The following BMPR1A variants were observed in gnomAD, a reference collection of about 807,000 sequenced individuals.
BMPR1A encodes bone morphogenetic protein receptor type 1A.
BMPR1A carries 7 observed loss-of-function variants against 66.0 expected under a neutral mutation model. The observed-to-expected ratio is 0.11, with a 90% CI of 0.06 to 0.20. The LOEUF is 0.20. Among genes scored for constraint, BMPR1A ranks in the 10% least tolerant of loss-of-function variants. The probability of loss-of-function intolerance (pLI) is 1.00; values close to 1 mark genes in which losing one functional copy is unlikely to be tolerated. For synonymous variants in BMPR1A, 200 were observed against 229.7 expected (o/e 0.87, Z 1.17); for missense variants, 408 against 669.1 (o/e 0.61, Z 4.31).
rs1373555068 is a variant in BMPR1A at position 86,786,563 on chromosome 10, C to T, written c.-268+29644C>T. Reference sequence around the variant, plus strand: ...CAGGATAGCATACAAAGAAATTCCCCATCTCAGTCTTTTGTCACAGAGTCC... The same window carrying T: ...CAGGATAGCATACAAAGAAATTCCCTATCTCAGTCTTTTGTCACAGAGTCC... On this transcript the variant is annotated intron_variant, in intron 1 of 12. Transcript: ENST00000372037. Among the ~76,000 whole-genome samples the T allele has an allele frequency of 2.6e-5, 4 of 152,322 alleles. No individual in the cohort carries two copies. The East Asian group carries it at 7.7e-4, about 29-fold the overall frequency.
At chr10:86,775,160 A>G (rs138438434) in intron 1 of BMPR1A, among the ~76,000 whole-genome samples, 373 of 152,354 alleles carry the variant, frequency 2.4e-3, no homozygotes, top group Admixed American at 4.7e-3. Flanking sequence ...AAAGCCAAGA[A>G]AATCGATTGA....
Position 86,900,022 on chromosome 10 carries a change from G to A in BMPR1A, c.431-5G>A, listed in dbSNP as rs587782334. The A allele has an allele frequency of 8.7e-6, 14 of 1,613,894 alleles. No homozygotes were observed. Among genetic ancestry groups the A allele is most frequent in the Non-Finnish European group, 1.1e-5 (13 of 1,179,992 alleles). Reference sequence around the variant, plus strand: ...ATTGTTTACATTGTTTACTTTTATTGTCAGGTCCGTTTTTTGATGGCAGCA... The same window carrying A: ...ATTGTTTACATTGTTTACTTTTATTATCAGGTCCGTTTTTTGATGGCAGCA... On this transcript the variant is annotated splice_polypyrimidine_tract_variant and splice_region_variant and intron_variant, in intron 6 of 12. Transcript: ENST00000372037.
chr10:86,838,138 T>C (rs1167735138), intron 1 of BMPR1A, among the ~76,000 whole-genome samples: 1 of 152,178 alleles, frequency 6.6e-6, no homozygotes, highest in Non-Finnish European at 1.5e-5. Context: ...TAGAAATTTT[T>C]TTATGACTTG....
At chr10:86,791,714 T>TCCC (rs1589718166) in intron 1 of BMPR1A, among the ~76,000 whole-genome samples, 2 of 52,752 alleles carry the variant, frequency 3.8e-5, no homozygotes, top group South Asian at 9.3e-4. Context: ...CCTCCCTCCC[T>TCCC]TCCTTCCTTC....
intron 2 of BMPR1A, among the ~76,000 whole-genome samples, chr10:86,843,186 C>T (rs1235161589): frequency 6.6e-6 from 1 of 152,174 alleles, no homozygotes; most frequent in Non-Finnish European, 1.5e-5. Context: ...ATGTACTATA[C>T]TCTTCAGCTG....
chr10:86,785,551 C>T (rs1841502630), intron 1 of BMPR1A, among the ~76,000 whole-genome samples: 1 of 152,228 alleles, frequency 6.6e-6, no homozygotes, highest in Non-Finnish European at 1.5e-5. Context: ...GTGATCTGCC[C>T]ACTTGGCCTC....
intron 1 of BMPR1A, among the ~76,000 whole-genome samples, chr10:86,797,446 G>C (rs1422478010): frequency 1.3e-5 from 2 of 151,970 alleles, no homozygotes; most frequent in Non-Finnish European, 2.9e-5. Context: ...TGGTTGGGCT[G>C]GTCTTGGAAC....
chr10:86,853,826 G>T (rs948612043), intron 2 of BMPR1A, among the ~76,000 whole-genome samples: 1 of 152,192 alleles, frequency 6.6e-6, no homozygotes, highest in Non-Finnish European at 1.5e-5. Context: ...CAAGGCAAAT[G>T]GAGGCAGGGC....
intron 1 of BMPR1A, among the ~76,000 whole-genome samples, chr10:86,809,613 C>CTCT (rs1841941339): frequency 2.8e-5 from 3 of 106,686 alleles, no homozygotes; most frequent in Non-Finnish European, 5.8e-5. Context: ...TTTTTTTTTT[C>CTCT]TCTTTTTTCT....
At chr10:86,837,090 G>A (rs182292618) in intron 1 of BMPR1A, among the ~76,000 whole-genome samples, 2 of 152,304 alleles carry the variant, frequency 1.3e-5, no homozygotes, top group Admixed American at 1.3e-4. Flanking sequence ...TTAAACTTTA[G>A]ATTTAGCCTG....
chr10:86,906,102 G>C (rs1448973800), intron 7 of BMPR1A, among the ~76,000 whole-genome samples: 1 of 152,086 alleles, frequency 6.6e-6, no homozygotes, highest in African/African-American at 2.4e-5. Flanking sequence ...GCAGTCTTTT[G>C]ACTTCATTTT....
intron 2 of BMPR1A, among the ~76,000 whole-genome samples, chr10:86,856,763 C>A (rs1055547537): frequency 6.6e-6 from 1 of 152,138 alleles, no homozygotes; most frequent in African/African-American, 2.4e-5. Flanking sequence ...GCCCTTGCTG[C>A]GAGTACAAGT....
At chr10:86,803,522 T>C (rs911048337) in intron 1 of BMPR1A, among the ~76,000 whole-genome samples, 2 of 152,220 alleles carry the variant, frequency 1.3e-5, no homozygotes, top group African/African-American at 4.8e-5. Context: ...GTTTTATTTA[T>C]CTGGAATTAG....
chr10:86,779,636 G>C (rs538806221), intron 1 of BMPR1A, among the ~76,000 whole-genome samples: 1 of 152,198 alleles, frequency 6.6e-6, no homozygotes, highest in South Asian at 2.1e-4. Flanking sequence ...ATCTTGCTCT[G>C]TTGCCCAGGC....
chr10:86,768,547 C>T (rs1057433231), intron 1 of BMPR1A, among the ~76,000 whole-genome samples: 1 of 152,146 alleles, frequency 6.6e-6, no homozygotes. Context: ...ACAGGTTTCT[C>T]TGGTCACATC....
intron 10 of BMPR1A, among the ~76,000 whole-genome samples, chr10:86,920,711 A>G (rs1206901164): frequency 6.6e-6 from 1 of 152,200 alleles, no homozygotes; most frequent in Non-Finnish European, 1.5e-5. Flanking sequence ...GGGACCCATA[A>G]AGAAGAAAAT....
chr10:86,794,669 T>C (rs1841678685), intron 1 of BMPR1A, among the ~76,000 whole-genome samples: 1 of 152,124 alleles, frequency 6.6e-6, no homozygotes, highest in Non-Finnish European at 1.5e-5. Flanking sequence ...CTAGCAACTA[T>C]TTTTAGGTTT....
At chr10:86,880,384 T>C (rs1344788131) in intron 3 of BMPR1A, among the ~76,000 whole-genome samples, 1 of 152,220 alleles carries the variant, frequency 6.6e-6, no homozygotes, top group East Asian at 1.9e-4. Flanking sequence ...TTATTTGGTA[T>C]TGTAGCACTT....
intron 1 of BMPR1A, among the ~76,000 whole-genome samples, chr10:86,828,245 A>G (rs936851033): frequency 1.3e-5 from 2 of 152,224 alleles, no homozygotes; most frequent in African/African-American, 2.4e-5. Flanking sequence ...GCCATCCGTC[A>G]TATGCAGCCT....
Sources: gnomAD v4.1 joint callset for allele counts (sites outside exome capture counted in the v4.1 genomes callset) on GRCh38, gnomAD v4.1.1 for gene constraint, MANE v1.5 for transcripts, NCBI Gene and HGNC (gene_info 2026-07-23, HGNC 2026-07-21) for gene names.